Variants in ZSWIM4 observed in about 807,000 individuals in gnomAD.
ZSWIM4 encodes the protein zinc finger SWIM domain-containing protein 4.
ZSWIM4 carries 62 observed loss-of-function variants against 102.5 expected under a neutral mutation model. That is an observed-to-expected ratio of 0.60 (90% CI 0.49 to 0.75). The LOEUF (loss-of-function observed/expected upper bound fraction) is 0.75, where lower values mean the gene tolerates loss of function less well. Ranked by LOEUF, ZSWIM4 falls within the 30% of genes least tolerant of loss-of-function variation. The probability of loss-of-function intolerance (pLI) is 0.00; values close to 1 mark genes in which losing one functional copy is unlikely to be tolerated. For missense variants in ZSWIM4, 1,280 were observed against 1,529.6 expected (o/e 0.84, Z 2.72); for synonymous variants, 652 against 674.5 (o/e 0.97, Z 0.52).
At chr19:13,800,328 C>G (rs1257809680) in intron 2 of ZSWIM4, among the ~76,000 whole-genome samples, 1 of 130,602 alleles carries the variant, frequency 7.7e-6, no homozygotes, top group Admixed American at 9.2e-5. Flanking sequence ...TGCAGTGGCG[C>G]GATCTCGGCT....
chr19:13,811,538 C>T (rs533609887), intron 5 of ZSWIM4, among the ~76,000 whole-genome samples: 1 of 151,642 alleles, frequency 6.6e-6, no homozygotes, highest in African/African-American at 2.4e-5. Flanking sequence ...TCAACAACAA[C>T]AAAAAAAGGC....
At position 13,808,897 on chromosome 19, in the gene ZSWIM4, G is replaced by A. The variant is rs1237203527; in HGVS notation, c.774G>A (p.Glu258=). 2 of 1,612,482 alleles carry A rather than the reference G, an allele frequency of 1.2e-6. No individual in the cohort carries two copies. The highest frequency in any genetic ancestry group is 1.3e-5 in the African/African-American group (1 of 74,918). The change falls in exon 4 of 14, where the codon GAG becomes GAA. Residue 258 remains glutamate, a synonymous_variant. Transcript: ENST00000590508. ...IEDANCWHLD[E]EQIQEQVKQL... is the part of the protein sequence containing the mutation. The stretch of plus-strand genomic sequence containing the variant: ...ACGCCAACTGCTGGCACCTGGACGA[G>A]GAGCAGATCCAGGAGCAGGTGAAGC...
intron 9 of ZSWIM4, among the ~76,000 whole-genome samples, chr19:13,818,712 C>T (rs868726258): frequency 6.8e-6 from 1 of 147,626 alleles, no homozygotes; most frequent in African/African-American, 2.5e-5. Context: ...TACAGGCGTG[C>T]GCCACCACAC....
chr19:13,805,803 C>T (rs1325130729), intron 3 of ZSWIM4, among the ~76,000 whole-genome samples: 1 of 151,690 alleles, frequency 6.6e-6, no homozygotes, highest in African/African-American at 2.4e-5. Flanking sequence ...AAAACCCCAT[C>T]TCTACCAAAA....
chr19:13,810,907 G>A (rs542737179), intron 5 of ZSWIM4, among the ~76,000 whole-genome samples: 7 of 114,696 alleles, frequency 6.1e-5, no homozygotes, highest in African/African-American at 2.6e-4. Context: ...ACCACGCCCA[G>A]CCTTTTTTTT....
chr19:13,799,244 C>A (rs1974689967), intron 1 of ZSWIM4, among the ~76,000 whole-genome samples: 3 of 150,356 alleles, frequency 2.0e-5, no homozygotes, highest in Middle Eastern at 6.8e-3. Context: ...CCATGCCTGG[C>A]TAATTTTTTT....
In ZSWIM4 at chr19:13,827,435, T is replaced by TC. The variant is rs200749768; in HGVS notation, c.2380-1207dup. Among the ~76,000 whole-genome samples the TC allele has an allele frequency of 8.7e-3, 1,320 of 151,066 alleles. 16 individuals are homozygous for TC. The highest frequency in any genetic ancestry group is 0.031 in the African/African-American group (1,261 of 41,098). Reference sequence around the variant, plus strand: ...GGCCAACACAGCAAAAACCCGTCTCTCCCAAAAATCAGCCATGCATGGTGG... The same window carrying TC: ...GGCCAACACAGCAAAAACCCGTCTCTCCCCAAAAATCAGCCATGCATGGTGG... On this transcript the variant is annotated intron_variant, in intron 12 of 13. Transcript: ENST00000590508.
At position 13,825,143 on chromosome 19, in the gene ZSWIM4, G is replaced by A. The variant is rs924864787; in HGVS notation, c.2216-407G>A. Among the ~76,000 whole-genome samples the A allele has an allele frequency of 5.3e-5, 8 of 151,386 alleles. No homozygotes were observed. The highest frequency in any genetic ancestry group is 1.7e-4 in the African/African-American group (7 of 41,154). On this transcript the variant is annotated intron_variant, in intron 11 of 13. Coordinates refer to ENST00000590508, the MANE Select transcript of ZSWIM4 (RefSeq NM_001367834.3). The surrounding 1 kb of genome is among the most constrained non-coding windows in gnomAD (Gnocchi z 4.6). ...CAACCTCTGCCTCCCGGGTTCAAGC[G>A]ATTCTCGTGCCTCATCCTCCCAAGT...
intron 3 of ZSWIM4, among the ~76,000 whole-genome samples, chr19:13,806,783 A>G (rs1555712647): frequency 6.6e-6 from 1 of 152,068 alleles, no homozygotes; most frequent in Non-Finnish European, 1.5e-5. Flanking sequence ...AGTGGTGGAC[A>G]GATGAAGTTA....
At position 13,808,981 on chromosome 19, in the gene ZSWIM4, C is replaced by G. The variant is rs753918940; in HGVS notation, c.858C>G (p.Ser286Arg). 2.5e-6 allele frequency: 4 copies of G among 1,611,156 alleles called. No homozygotes were observed. In the African/African-American group the frequency reaches 5.3e-5, roughly 22 times the overall value. ...GASQQLRSMF[S>R]KVREMLRMRD... is the part of the protein sequence containing the mutation. ...GCCAGCAGCTGCGCTCCATGTTCAG[C>G]AAGGTGCCGTGCGGGCCGGCGGGGC... Residue 286 changes from serine to arginine, a missense_variant, in exon 4 of 14, where the codon AGC becomes AGG. By Grantham distance (110) the Ser-to-Arg change is moderately radical. Transcript: ENST00000590508.
intron 2 of ZSWIM4, among the ~76,000 whole-genome samples, chr19:13,803,404 A>G (rs1475000644): frequency 6.6e-6 from 1 of 152,168 alleles, no homozygotes; most frequent in Non-Finnish European, 1.5e-5. Context: ...GGGCTCCTGA[A>G]GCCCTGGCCA....
chr19:13,824,063 GGAGA>G (rs146415972), intron 11 of ZSWIM4, among the ~76,000 whole-genome samples: 2 of 150,498 alleles, frequency 1.3e-5, no homozygotes, highest in African/African-American at 2.4e-5. Flanking sequence ...GAGGAGGCTG[GGAGA>G]GAGAGAGAGG....
At position 13,795,683 on chromosome 19, in the gene ZSWIM4, G is replaced by A. The variant is rs1489206023; in HGVS notation, c.35G>A (p.Cys12Tyr). 2 of 1,059,616 alleles carry A rather than the reference G, an allele frequency of 1.9e-6. No homozygotes were observed. Among genetic ancestry groups the A allele is most frequent in the Non-Finnish European group, 2.4e-6 (2 of 841,092 alleles). 65.6% of individuals were successfully genotyped at this position (1,059,616 alleles called of 1,614,324 possible). Residue 12 changes from cysteine (C) to tyrosine (Y), a missense_variant, in exon 1 of 14, where the codon TGC becomes TAC. Coordinates refer to ENST00000590508, the MANE Select transcript of ZSWIM4 (RefSeq NM_001367834.3). The stretch of plus-strand genomic sequence containing the variant: ...CCCGCGGCCAAGCGGAGCCGGGGCT[G>A]CCCCGCGGGACCCGAGGAGCGCGAT... ...EPPAAKRSRGCPAGPEERDAG... is the reference protein window; with the variant it reads ...EPPAAKRSRGYPAGPEERDAG...
Position 13,817,247 on chromosome 19 carries a change from C to T in ZSWIM4, c.1563C>T (p.Thr521=), listed in dbSNP as rs781132009. The change falls in exon 8 of 14, where the codon ACC becomes ACT. Residue 521 remains threonine, a synonymous_variant. Transcript: ENST00000590508. ...ELLQKGSTCI[T]NTEGWVGHPL... ...TCCAGAAGGGCTCCACCTGCATCACCAACACCGAAGGATGGGTGGGGCACC... is the reference window on the plus strand; with the variant it reads ...TCCAGAAGGGCTCCACCTGCATCACTAACACCGAAGGATGGGTGGGGCACC... The T allele has an allele frequency of 1.2e-6, 2 of 1,613,828 alleles. No individual in the cohort carries two copies. The highest frequency in any genetic ancestry group is 2.2e-5 in the South Asian group (2 of 91,058).
chr19:13,798,725 C>CCTGG (rs1974675632), intron 1 of ZSWIM4, among the ~76,000 whole-genome samples: 1 of 152,194 alleles, frequency 6.6e-6, no homozygotes, highest in Admixed American at 6.5e-5. Context: ...AAGTGACTTG[C>CCTGG]CTGGGGTCAC....
chr19:13,801,819 C>T (rs1482940517), intron 2 of ZSWIM4, among the ~76,000 whole-genome samples: 2 of 151,328 alleles, frequency 1.3e-5, no homozygotes, highest in African/African-American at 4.9e-5. Flanking sequence ...CTACAGGCAC[C>T]CGCTATCATG....
Position 13,809,962 on chromosome 19 carries a change from ATT to A in ZSWIM4, c.1012+746_1012+747del, listed in dbSNP as rs967822592. Reference sequence around the variant, plus strand: ...ATGAGCCACTGTACCAAGCTGACATATTTTTGTTTGTTTGTTTTCTTTTCTTT... The same window carrying A: ...ATGAGCCACTGTACCAAGCTGACATATTTGTTTGTTTGTTTTCTTTTCTTT... On this transcript the variant is annotated intron_variant, in intron 5 of 13. Coordinates refer to ENST00000590508, the MANE Select transcript of ZSWIM4 (RefSeq NM_001367834.3). This position sits in a 1 kb window ranked among gnomAD's most constrained non-coding sequence, Gnocchi z 4.2. 5.9e-4 allele frequency among the ~76,000 whole-genome samples: 88 copies of A among 150,180 alleles called. 1 individual carries two copies. The highest frequency in any genetic ancestry group is 2.0e-3 in the African/African-American group (82 of 40,878).
intron 10 of ZSWIM4, among the ~76,000 whole-genome samples, chr19:13,822,936 G>A (rs925430654): frequency 2.2e-4 from 33 of 150,974 alleles, no homozygotes; most frequent in Non-Finnish European, 4.0e-4. Context: ...CCGAGATTGC[G>A]CCATTGCACG....
intron 1 of ZSWIM4, among the ~76,000 whole-genome samples, chr19:13,797,646 G>GTATT (rs3981259): frequency 2.6e-4 from 40 of 151,412 alleles, no homozygotes; most frequent in African/African-American, 4.6e-4. Context: ...GAAAATCTTT[G>GTATT]TATTTATTTA....
Sources: gnomAD v4.1 joint callset for allele counts (sites outside exome capture counted in the v4.1 genomes callset) on GRCh38, gnomAD v4.1.1 for gene constraint, Gnocchi (gnomAD v3.1) non-coding constraint, MANE v1.5 for transcripts, NCBI Gene and HGNC (gene_info 2026-07-23, HGNC 2026-07-21) for gene names.